Variants in CYP2C18 observed in about 807,000 individuals in gnomAD.
CYP2C18 encodes cytochrome P450 family 2 subfamily C member 18.
In CYP2C18, 38 loss-of-function variants were observed where a neutral mutation model predicts 41.3. The observed-to-expected ratio is 0.92, with a 90% CI of 0.71 to 1.21. The LOEUF (loss-of-function observed/expected upper bound fraction) is 1.21. Among genes scored for constraint, CYP2C18 ranks in the 50% most tolerant of loss-of-function variants. The probability of loss-of-function intolerance (pLI) is 0.00; values close to 1 mark genes in which losing one functional copy is unlikely to be tolerated. For missense variants in CYP2C18, 635 were observed against 591.4 expected, an observed-to-expected ratio of 1.07 and a Z score of -0.77; for synonymous variants, 236 against 210.0, an observed-to-expected ratio of 1.12 and a Z score of -1.07.
At chr10:94,733,463 T>A in intron 8 of CYP2C18, 25 bp downstream of exon 8, 1 of 1,612,128 alleles carries the variant, frequency 6.2e-7, no homozygotes, top group Non-Finnish European at 8.5e-7. Flanking sequence ...TTTCCATCTG[T>A]CCTTCAGGGC....
intron 4 of CYP2C18, among the ~76,000 whole-genome samples, chr10:94,700,623 T>TG (rs1476351127): frequency 2.6e-5 from 4 of 152,054 alleles, no homozygotes; most frequent in Admixed American, 2.0e-4. Context: ...ATTTGACAAA[T>TG]GGATCTAATT....
At chr10:94,703,908 T>C (rs1269712869) in intron 4 of CYP2C18, among the ~76,000 whole-genome samples, 1 of 152,214 alleles carries the variant, frequency 6.6e-6, no homozygotes, top group Admixed American at 6.5e-5. Context: ...TGCGACAGGT[T>C]GCGAAGACCG....
At chr10:94,725,731 C>T (rs1847728912) in intron 7 of CYP2C18, among the ~76,000 whole-genome samples, 1 of 151,664 alleles carries the variant, frequency 6.6e-6, no homozygotes, top group Non-Finnish European at 1.5e-5. Context: ...TATATTTTGT[C>T]CTGTCTATAG....
chr10:94,691,324 G>A (rs544667737), intron 3 of CYP2C18, among the ~76,000 whole-genome samples: 2 of 152,268 alleles, frequency 1.3e-5, no homozygotes, highest in African/African-American at 4.8e-5. Flanking sequence ...CTTCAGTAAA[G>A]TCTCAGGATA....
chr10:94,698,418 T>G (rs563641943), intron 4 of CYP2C18, among the ~76,000 whole-genome samples: 1 of 152,336 alleles, frequency 6.6e-6, no homozygotes, highest in East Asian at 1.9e-4. Flanking sequence ...AATAAAAATG[T>G]TCTTTGAAAC....
rs551751300 is a variant in CYP2C18, at chr10:94,696,402, G to C, written c.642+1325G>C. On this transcript the variant is annotated intron_variant, in intron 4 of 8. Transcript: ENST00000285979. The stretch of plus-strand genomic sequence containing the variant: ...AGTGGATCTCCAGCAAACTCCAACA[G>C]ACCTGCAGCTGAGGGTCTTGACTGT... Among the ~76,000 whole-genome samples, 3 of 152,306 alleles carry C rather than the reference G, an allele frequency of 2.0e-5. No individual in the cohort carries two copies. The East Asian group carries it at 5.8e-4, about 29-fold the overall frequency.
intron 3 of CYP2C18, among the ~76,000 whole-genome samples, chr10:94,692,425 C>A (rs1847020162): frequency 6.6e-6 from 1 of 151,630 alleles, no homozygotes; most frequent in African/African-American, 2.4e-5. Context: ...GAAAAATGCT[C>A]ATCATCACTG....
chr10:94,705,857 C>T (rs1007648317), intron 4 of CYP2C18, among the ~76,000 whole-genome samples: 2 of 152,024 alleles, frequency 1.3e-5, no homozygotes, highest in Non-Finnish European at 2.9e-5. Context: ...GAATTCAAGC[C>T]CATTAGCTGG....
chr10:94,714,850 T>G (rs1292110577), intron 5 of CYP2C18, among the ~76,000 whole-genome samples: 1 of 152,202 alleles, frequency 6.6e-6, no homozygotes, highest in African/African-American at 2.4e-5. Context: ...CTCTTTTATT[T>G]CATTGAGCAG....
At position 94,720,423 on chromosome 10, in the gene CYP2C18, A is replaced by T; in HGVS notation, c.847A>T (p.Thr283Ser). 1 of 1,612,148 alleles carries T rather than the reference A, an allele frequency of 6.2e-7. No individual in the cohort carries two copies. The highest frequency in any genetic ancestry group is 8.5e-7 in the Non-Finnish European group (1 of 1,179,146). ...QEKHNQQSEF[T>S]VESLIATVTD... ...AAAGCACAATCAACAGTCTGAATTTACTGTTGAAAGCTTGATAGCCACTGT... is the reference window on the plus strand; with the variant it reads ...AAAGCACAATCAACAGTCTGAATTTTCTGTTGAAAGCTTGATAGCCACTGT... Residue 283 changes from threonine (T) to serine (S), a missense_variant, in exon 6 of 9, where the codon ACT becomes TCT. Transcript: ENST00000285979.
chr10:94,707,924 T>A (rs1236841493), intron 5 of CYP2C18, among the ~76,000 whole-genome samples: 1 of 151,972 alleles, frequency 6.6e-6, no homozygotes, highest in African/African-American at 2.4e-5. Flanking sequence ...AGGGTCAATA[T>A]GGAAACTGTG....
chr10:94,730,182 A>G lies in CYP2C18; in HGVS notation c.1150-3115A>G, dbSNP rs1251927025. Among the ~76,000 whole-genome samples, 3 of 152,160 alleles carry G rather than the reference A, an allele frequency of 2.0e-5. 1 individual carries two copies. The highest frequency in any genetic ancestry group is 6.6e-5 in the Admixed American group (1 of 15,260). ...TTTTTATAAGTACTTGTTAATCAGC[A>G]CAGTTAACTTGGGGCTAAGTCATAT... On this transcript the variant is annotated intron_variant, in intron 7 of 8. Coordinates refer to ENST00000285979, the MANE Select transcript of CYP2C18 (RefSeq NM_000772.3).
intron 5 of CYP2C18, among the ~76,000 whole-genome samples, chr10:94,718,485 T>A (rs1460060325): frequency 6.6e-6 from 1 of 152,128 alleles, no homozygotes; most frequent in Non-Finnish European, 1.5e-5. Context: ...TATGTTGAAT[T>A]GAAGTACTGA....
rs186301414 is a variant in CYP2C18, at chr10:94,700,374, G to A, written c.642+5297G>A. 4.6e-5 allele frequency among the ~76,000 whole-genome samples: 7 copies of A among 152,294 alleles called. No individual in the cohort carries two copies. The East Asian group carries it at 9.6e-4, about 21-fold the overall frequency. ...ACAAACCTGACAAAAACAAGCAATG[G>A]GGAGAGGATTCCCTATTTAATAAAT... On this transcript the variant is annotated intron_variant, in intron 4 of 8. Coordinates refer to ENST00000285979, the MANE Select transcript of CYP2C18 (RefSeq NM_000772.3).
chr10:94,735,385 A>G lies in CYP2C18; in HGVS notation c.1414A>G (p.Ile472Val). ...VDPKDIDITP[I>V]ANAFGRVPPL... ...CCCAAAGGATATTGACATCACCCCC[A>G]TTGCCAATGCATTTGGTCGTGTGCC... The change falls in exon 9 of 9, where the codon ATT becomes GTT. Residue 472 changes from isoleucine (I) to valine (V), a missense_variant. Physicochemically the swap from Ile to Val is conservative, Grantham distance 29. Coordinates refer to ENST00000285979, the MANE Select transcript of CYP2C18 (RefSeq NM_000772.3). 1 of 1,613,678 alleles carries G rather than the reference A, an allele frequency of 6.2e-7. No homozygotes were observed. Among genetic ancestry groups the G allele is most frequent in the Non-Finnish European group, 8.5e-7 (1 of 1,179,718 alleles).
At chr10:94,705,263 A>G (rs1202035928) in intron 4 of CYP2C18, among the ~76,000 whole-genome samples, 1 of 152,252 alleles carries the variant, frequency 6.6e-6, no homozygotes, top group African/African-American at 2.4e-5. Flanking sequence ...ATGCAGGAGC[A>G]GAAAACCAAG....
chr10:94,691,149 C>T (rs1268350410), intron 3 of CYP2C18, among the ~76,000 whole-genome samples: 2 of 152,112 alleles, frequency 1.3e-5, no homozygotes, highest in Non-Finnish European at 2.9e-5. Flanking sequence ...TCCCGTTCAA[C>T]ATAGTGTCGG....
intron 8 of CYP2C18, among the ~76,000 whole-genome samples, chr10:94,734,338 C>T (rs1847883554): frequency 6.6e-6 from 1 of 152,052 alleles, no homozygotes; most frequent in African/African-American, 2.4e-5. Flanking sequence ...GGCTTTTGAT[C>T]CCTGCTTTGG....
chr10:94,703,494 C>T (rs1847281681), intron 4 of CYP2C18, among the ~76,000 whole-genome samples: 1 of 152,192 alleles, frequency 6.6e-6, no homozygotes, highest in Non-Finnish European at 1.5e-5. Flanking sequence ...GCGGTGGGCA[C>T]TGCCCAGACT....
Sources: allele counts gnomAD v4.1 joint callset (sites outside exome capture counted in the v4.1 genomes callset), GRCh38; gene constraint gnomAD v4.1.1; transcripts MANE v1.5; gene names NCBI Gene and HGNC (gene_info 2026-07-23, HGNC 2026-07-21).